The following UBE2O variants were observed in gnomAD, a reference collection of about 807,000 sequenced individuals.
UBE2O encodes (E3-independent) E2 ubiquitin-conjugating enzyme.
UBE2O carries 15 observed loss-of-function variants against 125.8 expected under a neutral mutation model. That is an observed-to-expected ratio of 0.12 (90% CI 0.08 to 0.18). The LOEUF (loss-of-function observed/expected upper bound fraction) is 0.18. UBE2O is among the 10% of genes least tolerant of loss of function. The pLI is 1.00. For missense variants in UBE2O, 1,280 were observed against 1,723.6 expected, an observed-to-expected ratio of 0.74 and a Z score of 4.56; for synonymous variants, 708 against 703.2, an observed-to-expected ratio of 1.01 and a Z score of -0.11.
intron 1 of UBE2O, among the ~76,000 whole-genome samples, chr17:76,437,749 T>A (rs2073022205): frequency 6.6e-6 from 1 of 152,260 alleles, no homozygotes; most frequent in East Asian, 1.9e-4. Flanking sequence ...TCGACAAATA[T>A]ATATCATGAT....
chr17:76,394,064 C>A (rs968273684), intron 15 of UBE2O, among the ~76,000 whole-genome samples: 1 of 152,222 alleles, frequency 6.6e-6, no homozygotes, highest in African/African-American at 2.4e-5. Context: ...CAAGAAAAAA[C>A]CAAAAGCGTT....
intron 1 of UBE2O, among the ~76,000 whole-genome samples, chr17:76,420,676 A>G (rs1188254943): frequency 6.6e-6 from 1 of 152,208 alleles, no homozygotes; most frequent in Admixed American, 6.5e-5. Flanking sequence ...TTCACAGAGA[A>G]GCAGGAGCTT....
In UBE2O at chr17:76,402,759, C is replaced by A. The variant is rs113169769; in HGVS notation, c.589-60G>T. 1.5e-5 allele frequency: 21 copies of A among 1,377,702 alleles called. No individual in the cohort carries two copies. In the African/African-American group the frequency reaches 1.8e-4, roughly 12 times the overall value. The allele number at this position is 1,377,702 out of a possible 1,614,324, so 85.3% of individuals were successfully genotyped here. ...GCAGACAACGTTCATGTCCAGGGCA[C>A]AGATTCCTCTATGCCCCACCGAAGA... On this transcript the variant is annotated intron_variant, in intron 3 of 17. Transcript: ENST00000319380. The surrounding 1 kb of genome is among the most constrained non-coding windows in gnomAD (Gnocchi z 5.4).
rs758269729 is a variant in UBE2O, at chr17:76,409,963, T to C, written c.418-4391A>G. On this transcript the variant is annotated intron_variant, in intron 1 of 17. Transcript: ENST00000319380. ...GGAGAGCACAGTGAAGAATTTTAAA[T>C]GTGTGGTCAGGAAAGGCCCCTCCGA... Among the ~76,000 whole-genome samples the C allele has an allele frequency of 1.5e-4, 23 of 152,128 alleles. 1 individual carries two copies. The highest frequency in any genetic ancestry group is 5.1e-4 in the African/African-American group (21 of 41,478).
At chr17:76,433,432 G>T (rs1008300018) in intron 1 of UBE2O, among the ~76,000 whole-genome samples, 2 of 149,042 alleles carry the variant, frequency 1.3e-5, no homozygotes, top group African/African-American at 5.0e-5. Flanking sequence ...TGGGAGGGGT[G>T]CAGGGAAATA....
chr17:76,413,532 T>G (rs868365460), intron 1 of UBE2O, among the ~76,000 whole-genome samples: 1 of 152,112 alleles, frequency 6.6e-6, no homozygotes, highest in Admixed American at 6.5e-5. Context: ...GTTAAAATAT[T>G]TTGAAAAAAC....
chr17:76,398,479 T>C lies in UBE2O; in HGVS notation c.1889A>G (p.Asp630Gly). ...AGTAGGGGCTGCACACACCTCCACG[T>C]CGTCCCCACTCGGCCTCAGCTTGAA... Reference protein sequence around the residue: ...KWFKLRPSGDDVELIGEEEDV... With the variant: ...KWFKLRPSGDGVELIGEEEDV... Residue 630 changes from aspartate to glycine, a missense_variant, in exon 11 of 18, where the codon GAC (aspartate) becomes GGC (glycine). Asp to Gly is a moderately conservative substitution (Grantham distance 94, BLOSUM62 -1). Transcript: ENST00000319380. The surrounding 1 kb of genome is among the most constrained non-coding windows in gnomAD (Gnocchi z 5.4). The C allele has an allele frequency of 1.2e-6, 2 of 1,614,094 alleles. No homozygotes were observed. The highest frequency in any genetic ancestry group is 1.7e-6 in the Non-Finnish European group (2 of 1,180,010).
chr17:76,446,567 C>T (rs1385560609), intron 1 of UBE2O, among the ~76,000 whole-genome samples: 1 of 152,066 alleles, frequency 6.6e-6, no homozygotes, highest in Non-Finnish European at 1.5e-5. Flanking sequence ...CAAAAACACA[C>T]GGAAACTGAA....
Position 76,400,014 on chromosome 17 carries a change from A to G in UBE2O, c.1156-93T>C. 6.6e-7 allele frequency: 1 copy of G among 1,524,842 alleles called. No homozygotes were observed. Among genetic ancestry groups the G allele is most frequent in the Non-Finnish European group, 8.9e-7 (1 of 1,128,460 alleles). The allele number at this position is 1,524,842 out of a possible 1,614,324, so 94.5% of individuals were successfully genotyped here. ...CAGGCTGGGGGGATGACAGCTGTAT[A>G]CACCTGAGTAGCCGGCAAGGGTCAT... is the stretch of plus-strand genomic sequence containing the variant. On this transcript the variant is annotated intron_variant, in intron 8 of 17. Coordinates refer to ENST00000319380, the MANE Select transcript of UBE2O (RefSeq NM_022066.4). This position sits in a 1 kb window ranked among gnomAD's most constrained non-coding sequence, Gnocchi z 4.3.
chr17:76,424,389 T>A (rs1215486861), intron 1 of UBE2O, among the ~76,000 whole-genome samples: 2 of 150,188 alleles, frequency 1.3e-5, no homozygotes, highest in Admixed American at 1.3e-4. Flanking sequence ...TTTGTATTTT[T>A]GTAGAGACAG....
At chr17:76,438,853 A>G (rs571246280) in intron 1 of UBE2O, among the ~76,000 whole-genome samples, 6 of 151,936 alleles carry the variant, frequency 3.9e-5, no homozygotes, top group Middle Eastern at 3.4e-3. Flanking sequence ...CACCTCTAGC[A>G]CTCCACGCCA....
In UBE2O at chr17:76,396,178, G is replaced by A. The variant is rs1457475268; in HGVS notation, c.2759C>T (p.Thr920Ile). Residue 920 changes from threonine (T) to isoleucine (I), a missense_variant, in exon 14 of 18, where the codon ACC (threonine) becomes ATC (isoleucine). Physicochemically the swap from Thr to Ile is moderately conservative, Grantham distance 89. Coordinates refer to ENST00000319380, the MANE Select transcript of UBE2O (RefSeq NM_022066.4). This position sits in a 1 kb window ranked among gnomAD's most constrained non-coding sequence, Gnocchi z 6.7. ...GACCTCGCCCTTGGCGCTGGTGAAGGTGACGCCAGGCTTGCCGCCACACTG... is the reference window on the plus strand; with the variant it reads ...GACCTCGCCCTTGGCGCTGGTGAAGATGACGCCAGGCTTGCCGCCACACTG... ...CQQCGGKPGV[T>I]FTSAKGEVFS... 8.7e-6 allele frequency: 14 copies of A among 1,613,764 alleles called. No homozygotes were observed. Among genetic ancestry groups the A allele is most frequent in the Non-Finnish European group, 1.1e-5 (13 of 1,179,786 alleles).
At position 76,396,652 on chromosome 17, in the gene UBE2O, G is replaced by T. The variant is rs1419800021; in HGVS notation, c.2285C>A (p.Pro762His). The change falls in exon 14 of 18, where the codon CCC becomes CAC. Residue 762 changes from proline to histidine, a missense_variant. Transcript: ENST00000319380. This position sits in a 1 kb window ranked among gnomAD's most constrained non-coding sequence, Gnocchi z 6.7. Reference protein sequence around the residue: ...HPKIEEPPIPPLEQPVAPEDK... With the variant: ...HPKIEEPPIPHLEQPVAPEDK... ...CTCAGGGGCCACCGGCTGCTCCAGG[G>T]GTGGGATGGGGGGCTCCTCTATCTT... 1.9e-6 allele frequency: 3 copies of T among 1,613,614 alleles called. No homozygotes were observed. The highest frequency in any genetic ancestry group is 8.5e-7 in the Non-Finnish European group (1 of 1,179,990).
chr17:76,441,866 G>A (rs2073079380), intron 1 of UBE2O, among the ~76,000 whole-genome samples: 1 of 152,220 alleles, frequency 6.6e-6, no homozygotes, highest in Admixed American at 6.5e-5. Flanking sequence ...GCCTGGCATA[G>A]CCACTGCAAC....
At chr17:76,424,875 T>A (rs565545175) in intron 1 of UBE2O, among the ~76,000 whole-genome samples, 16 of 150,844 alleles carry the variant, frequency 1.1e-4, no homozygotes, top group East Asian at 7.8e-4. Context: ...TTTTTATTTT[T>A]TTTTTTTGAG....
intron 1 of UBE2O, among the ~76,000 whole-genome samples, chr17:76,446,412 T>C (rs2073151740): frequency 6.8e-6 from 1 of 148,144 alleles, no homozygotes. Flanking sequence ...TAGTAAAAAA[T>C]AGAAAAAGTT....
intron 1 of UBE2O, among the ~76,000 whole-genome samples, chr17:76,448,505 A>ATG (rs1445856115): frequency 6.6e-6 from 1 of 152,204 alleles, no homozygotes; most frequent in African/African-American, 2.4e-5. Flanking sequence ...GTCATCAGGG[A>ATG]TGTTTCACAC....
intron 1 of UBE2O, chr17:76,430,470 C>T: frequency 3.9e-6 from 1 of 255,296 alleles, no homozygotes; most frequent in Non-Finnish European, 7.7e-6. Flanking sequence ...TTGGCAGCAG[C>T]TCCATTTTCT....
At chr17:76,422,747 C>T (rs185445013) in intron 1 of UBE2O, among the ~76,000 whole-genome samples, 70 of 152,348 alleles carry the variant, frequency 4.6e-4, no homozygotes, top group African/African-American at 1.6e-3. Context: ...TCCTCATTCT[C>T]TATCCACCTG....
Sources: gnomAD v4.1 joint callset for allele counts (sites outside exome capture counted in the v4.1 genomes callset) on GRCh38, gnomAD v4.1.1 for gene constraint, Gnocchi (gnomAD v3.1) non-coding constraint, MANE v1.5 for transcripts, NCBI Gene and HGNC (gene_info 2026-07-23, HGNC 2026-07-21) for gene names.